The following SOX8 variants were observed in gnomAD, a reference collection of about 807,000 sequenced individuals.
SOX8 encodes the protein SRY-box transcription factor 8.
Under a neutral mutation model 22.9 loss-of-function variants are expected in SOX8, and 9 were observed. That is an observed-to-expected ratio of 0.39 (90% CI 0.24 to 0.69). The LOEUF (loss-of-function observed/expected upper bound fraction) is 0.69, where lower values mean the gene tolerates loss of function less well. Among genes scored for constraint, SOX8 ranks in the 30% least tolerant of loss-of-function variants. The pLI is 0.43. For synonymous variants in SOX8, 416 were observed against 330.6 expected, an observed-to-expected ratio of 1.26 and a Z score of -2.80; for missense variants, 734 against 699.4, an observed-to-expected ratio of 1.05 and a Z score of -0.56.
intron 2 of SOX8, 85 bp from the exon 3 acceptor site, chr16:984,616 G>A (rs1301476832): frequency 2.5e-6 from 2 of 813,200 alleles, no homozygotes; most frequent in Admixed American, 6.1e-5. Flanking sequence ...AGTTAGCGCG[G>A]GCGTCCCTCC....
rs2073392060 is a variant in SOX8 at position 981,945 on chromosome 16, G to A, written c.23G>A (p.Arg8His). 4.2e-6 allele frequency: 6 copies of A among 1,415,594 alleles called. No individual in the cohort carries two copies. Among genetic ancestry groups the A allele is most frequent in the South Asian group, 2.8e-5 (2 of 72,146 alleles). 87.7% of individuals were successfully genotyped at this position (1,415,594 alleles called of 1,614,324 possible). ...CCGATGCTGGACATGAGCGAGGCCC[G>A]CTCCCAGCCGCCCTGCAGCCCGTCC... is the stretch of plus-strand genomic sequence containing the variant. MLDMSEARSQPPCSPSGT... is the reference protein window; with the variant it reads MLDMSEAHSQPPCSPSGT... The change falls in exon 1 of 3, where the codon CGC becomes CAC. Residue 8 changes from arginine (R) to histidine (H), a missense_variant. By Grantham distance (29) the Arg-to-His change is conservative. Around this residue, in one of 3 missense-constraint regions of SOX8, gnomAD observed 139 missense variants for 109.1 expected, o/e 1.27. Transcript: ENST00000293894.
At chr16:982,406 G>T in intron 1 of SOX8, 62 bp downstream of exon 1, 1 of 1,287,410 alleles carries the variant, frequency 7.8e-7, no homozygotes. Context: ...CTCGGACTGC[G>T]AGCGGGGGCC....
At position 985,175 on chromosome 16, in the gene SOX8, C is replaced by T. The variant is rs749180236; in HGVS notation, c.1130C>T (p.Ala377Val). The change falls in exon 3 of 3, where the codon GCC (alanine) becomes GTC (valine). Residue 377 changes from alanine to valine, a missense_variant. By Grantham distance (64) the Ala-to-Val change is moderately conservative (BLOSUM62 0). Transcript: ENST00000293894. ...CCGGCCGCCCCCGCCGGCCCCTTCG[C>T]CGGCTCACAGGGCGACTATGGCGAC... ...ATPAAPAGPF[A>V]GSQGDYGDLQ... 3 of 1,610,010 alleles carry T rather than the reference C, an allele frequency of 1.9e-6. No individual in the cohort carries two copies. Among genetic ancestry groups the T allele is most frequent in the Admixed American group, 3.3e-5 (2 of 59,874 alleles).
chr16:984,634 G>A (rs2073437998), intron 2 of SOX8, 67 bp from the exon 3 acceptor site: 5 of 1,079,288 alleles, frequency 4.6e-6, no homozygotes, highest in Admixed American at 3.0e-5. Flanking sequence ...TCCCCTTCCA[G>A]CCTGGCCGGC....
intron 2 of SOX8, 143 bp downstream of exon 2, chr16:984,103 T>A: frequency 2.7e-6 from 2 of 743,694 alleles, no homozygotes; most frequent in Admixed American, 3.4e-5. Context: ...CTGAAAAAGC[T>A]CCCAAGGCCC....
Position 985,582 on chromosome 16 carries a change from C to T in SOX8, c.*196C>T. Reference sequence around the variant, plus strand: ...TCTGCCGACGACGGACCAGCTCCCTCTCCCTTCTATCTTTCTTTTTGAGGT... The same window carrying T: ...TCTGCCGACGACGGACCAGCTCCCTTTCCCTTCTATCTTTCTTTTTGAGGT... On this transcript the variant is annotated 3_prime_UTR_variant, in exon 3 of 3. Coordinates refer to ENST00000293894, the MANE Select transcript of SOX8 (RefSeq NM_014587.5). 1.9e-6 allele frequency: 1 copy of T among 537,346 alleles called. No individual in the cohort carries two copies. Among genetic ancestry groups the T allele is most frequent in the East Asian group, 3.1e-5 (1 of 31,816 alleles). 33.3% of individuals were successfully genotyped at this position (537,346 alleles called of 1,614,324 possible). A position where few individuals can be genotyped will look rare whatever the true frequency, so the allele number is the denominator to read the frequency against.
chr16:983,294 C>T (rs753145536), intron 1 of SOX8: 4 of 157,488 alleles, frequency 2.5e-5, no homozygotes, highest in Non-Finnish European at 5.6e-5. Context: ...CCTGCCAGGG[C>T]TTCTGGGTGT....
chr16:983,596 G>T (rs949088332), intron 1 of SOX8, 132 bp from the exon 2 acceptor site: 3 of 739,704 alleles, frequency 4.1e-6, no homozygotes, highest in Non-Finnish European at 6.4e-6. Flanking sequence ...GCTCCGGAGC[G>T]CACGGCAGGC....
rs1477126487 is a variant in SOX8, at chr16:984,926, C to G, written c.881C>G (p.Pro294Arg). ...GACCAGTACCTGCCCCTGGGCGGCCCCGCCCCACCCGAGCCGGGCCAGGCC... is the reference window on the plus strand; with the variant it reads ...GACCAGTACCTGCCCCTGGGCGGCCGCGCCCCACCCGAGCCGGGCCAGGCC... ...EFDQYLPLGG[P>R]APPEPGQAYG... Residue 294 changes from proline (P) to arginine (R), a missense_variant, in exon 3 of 3, where the codon CCC becomes CGC. By Grantham distance (103) the Pro-to-Arg change is moderately radical. This residue lies in a region of SOX8 where 588 missense variants were observed against 568.2 expected (regional missense o/e 1.03). Transcript: ENST00000293894. 3.1e-6 allele frequency: 5 copies of G among 1,603,344 alleles called. No homozygotes were observed. The African/African-American group carries it at 4.0e-5, about 13-fold the overall frequency.
rs959029386 is a variant in SOX8 at position 986,514 on chromosome 16, G to A, written c.*1128G>A. The A allele has an allele frequency of 2.0e-5, 3 of 152,398 alleles. No individual in the cohort carries two copies. Among genetic ancestry groups the A allele is most frequent in the African/African-American group, 7.2e-5 (3 of 41,466 alleles). The allele number at this position is 152,398 out of a possible 1,614,324, so 9.4% of individuals were successfully genotyped here. A position where few individuals can be genotyped will look rare whatever the true frequency, so the allele number is the denominator to read the frequency against. On this transcript the variant is annotated 3_prime_UTR_variant, in exon 3 of 3. Transcript: ENST00000293894. ...GAATTCCTGGAAAGTGGTGGCTTCA[G>A]AAGTGATCTTGGCTCGCAGGCACCA...
rs1380486092 is a variant in SOX8, at chr16:984,826, T to C, written c.781T>C (p.Phe261Leu). Reference sequence around the variant, plus strand: ...GGACAGCGGGCGCCAGAACATCGACTTCAGCAACGTGGACATCTCGGAGCT... The same window carrying C: ...GGACAGCGGGCGCCAGAACATCGACCTCAGCAACGTGGACATCTCGGAGCT... ...PVDSGRQNID[F>L]SNVDISELSS... The change falls in exon 3 of 3, where the codon TTC becomes CTC. Residue 261 changes from phenylalanine to leucine, a missense_variant. By Grantham distance (22) the Phe-to-Leu change is conservative (BLOSUM62 0). This residue lies in a region of SOX8 where 588 missense variants were observed against 568.2 expected (regional missense o/e 1.03). Coordinates refer to ENST00000293894, the MANE Select transcript of SOX8 (RefSeq NM_014587.5). The C allele has an allele frequency of 6.2e-7, 1 of 1,610,910 alleles. No individual in the cohort carries two copies.
Position 984,988 on chromosome 16 carries a change from G to A in SOX8, c.943G>A (p.Val315Met), listed in dbSNP as rs567390186. The A allele has an allele frequency of 6.3e-5, 100 of 1,584,498 alleles. No homozygotes were observed. The highest frequency in any genetic ancestry group is 4.9e-4 in the African/African-American group (36 of 73,710). The change falls in exon 3 of 3, where the codon GTG becomes ATG. Residue 315 changes from valine to methionine, a missense_variant. Val to Met is a conservative substitution (Grantham distance 21). Transcript: ENST00000293894. Reference sequence around the variant, plus strand: ...CTACTTCCACGCCGGGGCGTCCCCCGTGTGGGCCCACAAGAGTGCCCCGTC... The same window carrying A: ...CTACTTCCACGCCGGGGCGTCCCCCATGTGGGCCCACAAGAGTGCCCCGTC... ...GAYFHAGASP[V>M]WAHKSAPSAS...
chr16:985,258 T>C lies in SOX8; in HGVS notation c.1213T>C (p.Tyr405His), dbSNP rs1380221991. ...YPGYAPGLYQ[Y>H]PCFHSPRRPY... ...TGGCTACGCACCCGGCCTCTACCAG[T>C]ACCCCTGCTTCCACTCGCCGCGCCG... Residue 405 changes from tyrosine (Y) to histidine (H), a missense_variant, in exon 3 of 3, where the codon TAC (tyrosine) becomes CAC (histidine). Physicochemically the swap from Tyr to His is moderately conservative, Grantham distance 83 (BLOSUM62 2). Transcript: ENST00000293894. 19 of 1,611,998 alleles carry C rather than the reference T, an allele frequency of 1.2e-5. No individual in the cohort carries two copies. Among genetic ancestry groups the C allele is most frequent in the Admixed American group, 1.7e-5 (1 of 59,992 alleles).
Position 985,472 on chromosome 16 carries a change from C to CA in SOX8, c.*87dup. On this transcript the variant is annotated 3_prime_UTR_variant, in exon 3 of 3. Coordinates refer to ENST00000293894, the MANE Select transcript of SOX8 (RefSeq NM_014587.5). ...TGTGTGACCAGGGCGGGAGGGGCCC[C>CA]AGTGGCTGAGCTCCAAGTGCCTGCT... 8.7e-7 allele frequency: 1 copy of CA among 1,147,934 alleles called. No individual in the cohort carries two copies. The highest frequency in any genetic ancestry group is 1.2e-6 in the Non-Finnish European group (1 of 842,980). The allele number at this position is 1,147,934 out of a possible 1,614,324, so 71.1% of individuals were successfully genotyped here. A position where few individuals can be genotyped will look rare whatever the true frequency, so the allele number is the denominator to read the frequency against.
At chr16:983,381 C>T (rs1183679807) in intron 1 of SOX8, 1 of 190,832 alleles carries the variant, frequency 5.2e-6, no homozygotes, top group Non-Finnish European at 1.1e-5. Flanking sequence ...TTTTGTCCAC[C>T]GCCGGCTGGG....
Position 982,042 on chromosome 16 carries a change from G to A in SOX8, c.120G>A (p.Glu40=), listed in dbSNP as rs1334137767. 1.5e-6 allele frequency: 2 copies of A among 1,298,986 alleles called. No homozygotes were observed. The highest frequency in any genetic ancestry group is 9.7e-7 in the Non-Finnish European group (1 of 1,031,316). 80.5% of individuals were successfully genotyped at this position (1,298,986 alleles called of 1,614,324 possible). ...CGCCGCCGTCTCCCGCCGGCTCCGA[G>A]GGCCTGGGCCGCGCGGGGGTCGCGG... The part of the protein sequence containing the change: ...SDAPPSPAGS[E]GLGRAGVAVG... The change falls in exon 1 of 3, where the codon GAG becomes GAA. Residue 40 remains glutamate (E), a synonymous_variant. Coordinates refer to ENST00000293894, the MANE Select transcript of SOX8 (RefSeq NM_014587.5).
chr16:983,783 G>C lies in SOX8; in HGVS notation c.478G>C (p.Val160Leu), dbSNP rs972248807. The change falls in exon 2 of 3, where the codon GTG (valine) becomes CTG (leucine). Residue 160 changes from valine (V) to leucine (L), a missense_variant. Val to Leu is a conservative substitution (Grantham distance 32). Coordinates refer to ENST00000293894, the MANE Select transcript of SOX8 (RefSeq NM_014587.5). Reference sequence around the variant, plus strand: ...CGTGGAGGAGGCAGAGCGCCTTCGCGTGCAGCACAAGAAGGACCACCCCGA... The same window carrying C: ...CGTGGAGGAGGCAGAGCGCCTTCGCCTGCAGCACAAGAAGGACCACCCCGA... ...PFVEEAERLR[V>L]QHKKDHPDYK... 3 of 1,612,844 alleles carry C rather than the reference G, an allele frequency of 1.9e-6. No homozygotes were observed. Among genetic ancestry groups the C allele is most frequent in the Non-Finnish European group, 2.5e-6 (3 of 1,179,828 alleles).
rs2073410573 is a variant in SOX8 at position 982,658 on chromosome 16, C to T, written c.422+314C>T. On this transcript the variant is annotated intron_variant, in intron 1 of 2. Transcript: ENST00000293894. ...CTGCGGAGGGCCATGGCTGGCACCC[C>T]GACGTGCCCTCCAGCCGTTGCGAGT... 1.0e-5 allele frequency: 3 copies of T among 289,488 alleles called. No individual in the cohort carries two copies. The South Asian group carries it at 4.9e-4, about 47-fold the overall frequency. 17.9% of individuals were successfully genotyped at this position (289,488 alleles called of 1,614,324 possible).
intron 1 of SOX8, 49 bp from the exon 2 acceptor site, chr16:983,679 A>G: frequency 3.8e-6 from 6 of 1,559,526 alleles, no homozygotes; most frequent in Non-Finnish European, 5.2e-6. Flanking sequence ...GCCTGCGCCG[A>G]GGGCACAGTG....
Sources: allele counts gnomAD v4.1 joint callset, GRCh38; gene constraint gnomAD v4.1.1; regional missense constraint gnomAD v4.1.1; transcripts MANE v1.5; gene names NCBI Gene and HGNC (gene_info 2026-07-23, HGNC 2026-07-21).